The following OR2L13 variants were observed in gnomAD, a reference collection of about 807,000 sequenced individuals.
OR2L13 encodes olfactory receptor 2L13.
A neutral mutation model predicts 15.3 loss-of-function variants in OR2L13; 14 were observed. The observed-to-expected ratio is 0.91, with a 90% CI of 0.60 to 1.43. The LOEUF is 1.43. OR2L13 is among the 40% of genes most tolerant of loss of function. The pLI is 0.00. For synonymous variants in OR2L13, 152 were observed against 142.9 expected, an observed-to-expected ratio of 1.06 and a Z score of -0.45; for missense variants, 367 against 387.9, an observed-to-expected ratio of 0.95 and a Z score of 0.45.
At chr1:248,017,698 G>T in the OR2L13 span, among the ~76,000 whole-genome samples, 3 of 152,086 alleles carry the variant, frequency 2.0e-5, no homozygotes, top group Admixed American at 2.0e-4. Context: ...TTTTCTACCC[G>T]GTGGTCTGGC....
At chr1:247,961,642 C>G in the OR2L13 span, among the ~76,000 whole-genome samples, 1 of 151,972 alleles carries the variant, frequency 6.6e-6, no homozygotes, top group African/African-American at 2.4e-5. Flanking sequence ...GAAATTTGTC[C>G]CAAGATCAGG....
the OR2L13 span, among the ~76,000 whole-genome samples, chr1:248,026,241 G>C: frequency 6.6e-6 from 1 of 152,194 alleles, no homozygotes; most frequent in African/African-American, 2.4e-5. Context: ...ATGAATGCCT[G>C]ATCTGCAGTT....
exon 3 of OR2L13, chr1:248,099,477 C>G: frequency 6.2e-7 from 1 of 1,613,900 alleles, no homozygotes; most frequent in Non-Finnish European, 8.5e-7. Context: ...TCCTCATATT[C>G]TTTCTGGCCT....
the OR2L13 span, among the ~76,000 whole-genome samples, chr1:248,044,411 T>C: frequency 1.3e-5 from 2 of 152,342 alleles, no homozygotes; most frequent in Admixed American, 1.3e-4. Context: ...CAGTGCAGGA[T>C]GCAGCGTCTT....
the OR2L13 span, among the ~76,000 whole-genome samples, chr1:248,000,154 TC>T: frequency 1.5e-5 from 2 of 136,294 alleles, no homozygotes; most frequent in East Asian, 4.5e-4. Flanking sequence ...ATCCAGTTTT[TC>T]TGCACCTATG....
chr1:247,952,739 A>T, the OR2L13 span, among the ~76,000 whole-genome samples: 1 of 152,164 alleles, frequency 6.6e-6, no homozygotes, highest in African/African-American at 2.4e-5. Flanking sequence ...AGCCTGAGGG[A>T]GGACTGAATT....
At chr1:248,038,458 A>G in the OR2L13 span, 4 of 1,613,664 alleles carry the variant, frequency 2.5e-6, no homozygotes, top group Admixed American at 6.7e-5. Flanking sequence ...CTACTTAGTC[A>G]GCTCTCCCTC....
At chr1:247,977,667 TA>T in the OR2L13 span, among the ~76,000 whole-genome samples, 96 of 152,302 alleles carry the variant, frequency 6.3e-4, no homozygotes, top group Non-Finnish European at 8.4e-4. Context: ...TATGACTGCT[TA>T]CTGCTTAAAA....
chr1:247,995,351 T>C, the OR2L13 span, among the ~76,000 whole-genome samples: 1 of 152,370 alleles, frequency 6.6e-6, no homozygotes, highest in East Asian at 1.9e-4. Flanking sequence ...CACAGACTAT[T>C]ATCTGTTACC....
the OR2L13 span, chr1:248,003,352 C>T: frequency 6.2e-7 from 1 of 1,603,868 alleles, no homozygotes; most frequent in Non-Finnish European, 8.5e-7. Context: ...ATTACATCTC[C>T]ACCATTGTTC....
chr1:248,077,314 G>C, the OR2L13 span, among the ~76,000 whole-genome samples: 617 of 152,140 alleles, frequency 4.1e-3, 8 homozygotes, highest in African/African-American at 0.014. Context: ...TTTTTTTGTT[G>C]TGTCTCTGCC....
chr1:247,984,977 A>G, the OR2L13 span, among the ~76,000 whole-genome samples: 1 of 152,190 alleles, frequency 6.6e-6, no homozygotes, highest in Admixed American at 6.6e-5. Flanking sequence ...AGGTGAATTC[A>G]TACAATATTT....
At chr1:248,088,602 T>C in the OR2L13 span, among the ~76,000 whole-genome samples, 1 of 152,136 alleles carries the variant, frequency 6.6e-6, no homozygotes, top group Admixed American at 6.5e-5. Flanking sequence ...TAAAAAACAA[T>C]CCCTGCAAGG....
the OR2L13 span, among the ~76,000 whole-genome samples, chr1:248,017,297 C>T: frequency 5.6e-3 from 847 of 152,304 alleles, 12 homozygotes; most frequent in Middle Eastern, 0.024. Context: ...ATGTCCTCTT[C>T]ACATTACTGA....
At chr1:248,077,097 A>G in the OR2L13 span, among the ~76,000 whole-genome samples, 1 of 152,110 alleles carries the variant, frequency 6.6e-6, no homozygotes, top group South Asian at 2.1e-4. Context: ...CTATTGAGAT[A>G]ATCATGTGGT....
At chr1:248,022,137 C>G in the OR2L13 span, 1 of 1,613,942 alleles carries the variant, frequency 6.2e-7, no homozygotes, top group Non-Finnish European at 8.5e-7. Flanking sequence ...CCTGCTTAGT[C>G]AGCTCTCCCT....
At chr1:248,061,142 A>C in the OR2L13 span, 1 of 1,613,424 alleles carries the variant, frequency 6.2e-7, no homozygotes, top group Non-Finnish European at 8.5e-7. Flanking sequence ...GGCTCGATCA[A>C]TGCTTGTGCT....
chr1:248,052,433 A>C, the OR2L13 span, among the ~76,000 whole-genome samples: 2 of 152,176 alleles, frequency 1.3e-5, no homozygotes, highest in Non-Finnish European at 2.9e-5. Context: ...AAGTTTTAAA[A>C]TCAGAAAGTA....
the OR2L13 span, among the ~76,000 whole-genome samples, chr1:247,961,991 AC>A: frequency 3.3e-5 from 5 of 152,122 alleles, no homozygotes. Context: ...GTCAGGGAGA[AC>A]CTATTTTCGT....
Sources: gnomAD v4.1 joint callset for allele counts (sites outside exome capture counted in the v4.1 genomes callset) on GRCh38, gnomAD v4.1.1 for gene constraint, MANE v1.5 for transcripts, NCBI Gene and HGNC (gene_info 2026-07-23, HGNC 2026-07-21) for gene names.